The following DNAJC6 variants were observed in gnomAD, a reference collection of about 807,000 sequenced individuals.
DNAJC6 encodes auxilin.
In DNAJC6, 34 loss-of-function variants were observed where a neutral mutation model predicts 110.0. That is an observed-to-expected ratio of 0.31 (90% CI 0.24 to 0.41). DNAJC6 has a LOEUF of 0.41. Ranked by LOEUF, DNAJC6 falls within the 10% of genes least tolerant of loss-of-function variation. The pLI, the probability that DNAJC6 is intolerant of heterozygous loss-of-function variation, is 1.00. For missense variants in DNAJC6, 1,031 were observed against 1,207.8 expected (o/e 0.85, Z 2.17); for synonymous variants, 406 against 437.2 (o/e 0.93, Z 0.89).
chr1:65,389,871 G>A (rs1198348935), intron 11 of DNAJC6, among the ~76,000 whole-genome samples: 1 of 152,076 alleles, frequency 6.6e-6, no homozygotes, highest in Non-Finnish European at 1.5e-5. Context: ...AAATTAGGTG[G>A]GAGTGGTGGC....
intron 1 of DNAJC6, among the ~76,000 whole-genome samples, chr1:65,313,986 C>A (rs751116496): frequency 1.3e-5 from 2 of 152,108 alleles, no homozygotes; most frequent in Non-Finnish European, 2.9e-5. Context: ...TATTGAGCTG[C>A]TAAAGTGTTC....
intron 1 of DNAJC6, among the ~76,000 whole-genome samples, chr1:65,348,558 A>G (rs796752393): frequency 2.3e-4 from 35 of 152,194 alleles, no homozygotes; most frequent in African/African-American, 8.4e-4. Flanking sequence ...CTTGAAATTA[A>G]TTTGTATCAT....
At chr1:65,321,285 C>T (rs749038881) in intron 1 of DNAJC6, among the ~76,000 whole-genome samples, 5 of 152,282 alleles carry the variant, frequency 3.3e-5, no homozygotes, top group Non-Finnish European at 7.4e-5. Flanking sequence ...ACTGCTGCCT[C>T]GAATTCCTGG....
At chr1:65,410,957 A>G (rs1646122797) in intron 17 of DNAJC6, among the ~76,000 whole-genome samples, 1 of 152,198 alleles carries the variant, frequency 6.6e-6, no homozygotes, top group Admixed American at 6.5e-5. Context: ...CATGGAGTTT[A>G]TATTGAGTAT....
intron 1 of DNAJC6, among the ~76,000 whole-genome samples, chr1:65,267,676 A>G (rs375453647): frequency 6.6e-6 from 1 of 151,942 alleles, no homozygotes; most frequent in African/African-American, 2.4e-5. Flanking sequence ...GCATATATAT[A>G]CAGACAGAGA....
At chr1:65,374,653 C>T (rs1045558061) in intron 4 of DNAJC6, among the ~76,000 whole-genome samples, 1 of 152,082 alleles carries the variant, frequency 6.6e-6, no homozygotes, top group African/African-American at 2.4e-5. Flanking sequence ...TTACTGAATT[C>T]GTTTGTCAGT....
At chr1:65,291,832 G>A (rs12088317) in intron 1 of DNAJC6, among the ~76,000 whole-genome samples, 9,065 of 152,214 alleles carry the variant, frequency 0.06, 325 homozygotes, top group Non-Finnish European at 0.079. Context: ...AACACAACTA[G>A]TGGATAGTGG....
upstream of DNAJC6, among the ~76,000 whole-genome samples, chr1:65,308,284 C>G (rs1410802925): frequency 1.3e-5 from 2 of 152,160 alleles, no homozygotes; most frequent in Non-Finnish European, 2.9e-5. Context: ...TTTACATGCA[C>G]GTACTTTTTT....
At chr1:65,384,592 G>A (rs1253995948) in intron 6 of DNAJC6, among the ~76,000 whole-genome samples, 1 of 152,174 alleles carries the variant, frequency 6.6e-6, no homozygotes, top group Admixed American at 6.5e-5. Context: ...CTTACATGGT[G>A]GCGGGGAAGA....
At chr1:65,363,043 A>C (rs1645612854) in intron 1 of DNAJC6, among the ~76,000 whole-genome samples, 1 of 152,188 alleles carries the variant, frequency 6.6e-6, no homozygotes, top group South Asian at 2.1e-4. Context: ...GGTGAAGGGG[A>C]AGCAAGTCAC....
At chr1:65,277,715 T>C (rs1340855549) in intron 1 of DNAJC6, among the ~76,000 whole-genome samples, 2 of 152,146 alleles carry the variant, frequency 1.3e-5, no homozygotes, top group East Asian at 3.9e-4. Context: ...TACCAGGTGG[T>C]TGAGCTGGTG....
intron 6 of DNAJC6, 110 bp from the exon 7 acceptor site, chr1:65,385,602 T>G: frequency 2.1e-6 from 2 of 942,646 alleles, no homozygotes; most frequent in Non-Finnish European, 3.0e-6. Flanking sequence ...ATTGATAGAA[T>G]AAGTTTTTAT....
intron 1 of DNAJC6, among the ~76,000 whole-genome samples, chr1:65,353,832 T>C (rs2101527047): frequency 6.6e-6 from 1 of 152,252 alleles, no homozygotes; most frequent in African/African-American, 2.4e-5. Flanking sequence ...GCTTTCTCAG[T>C]GGGTGCAGTG....
intron 1 of DNAJC6, among the ~76,000 whole-genome samples, chr1:65,300,246 G>C (rs1408504540): frequency 6.6e-6 from 1 of 151,980 alleles, no homozygotes; most frequent in Non-Finnish European, 1.5e-5. Flanking sequence ...CTGGAGCTCG[G>C]GGTTCTTCTA....
chr1:65,347,770 A>C (rs368569389), intron 1 of DNAJC6, among the ~76,000 whole-genome samples: 24 of 152,038 alleles, frequency 1.6e-4, no homozygotes, highest in African/African-American at 3.9e-4. Flanking sequence ...CACACACACA[A>C]AAATGAAGAT....
At chr1:65,346,040 G>T (rs1000779111) in intron 1 of DNAJC6, among the ~76,000 whole-genome samples, 1 of 152,144 alleles carries the variant, frequency 6.6e-6, no homozygotes, top group African/African-American at 2.4e-5. Flanking sequence ...CCAAATGCTT[G>T]CTGTGGGTTT....
intron 4 of DNAJC6, among the ~76,000 whole-genome samples, chr1:65,376,768 T>TTTA (rs1179391263): frequency 1.3e-5 from 2 of 149,924 alleles, no homozygotes; most frequent in African/African-American, 2.5e-5. Context: ...TATTTATTTA[T>TTTA]TTTATTTATT....
At chr1:65,285,134 T>G (rs1252388780) in intron 1 of DNAJC6, among the ~76,000 whole-genome samples, 2 of 152,242 alleles carry the variant, frequency 1.3e-5, no homozygotes, top group African/African-American at 4.8e-5. Context: ...ATCAGTTTCA[T>G]CTTTACAAAC....
intron 14 of DNAJC6, among the ~76,000 whole-genome samples, chr1:65,400,524 T>C (rs1442545541): frequency 6.6e-6 from 1 of 152,198 alleles, no homozygotes; most frequent in Non-Finnish European, 1.5e-5. Context: ...ACCATTCTAC[T>C]CTTTATTTCT....
Sources: gnomAD v4.1 joint callset for allele counts (sites outside exome capture counted in the v4.1 genomes callset) on GRCh38, gnomAD v4.1.1 for gene constraint, MANE v1.5 for transcripts, NCBI Gene and HGNC (gene_info 2026-07-23, HGNC 2026-07-21) for gene names.